ZFR2: variants seen among roughly 807,000 people sequenced by gnomAD.
ZFR2 encodes zinc finger RNA-binding protein 2.
ZFR2 carries 104 observed loss-of-function variants against 105.7 expected under a neutral mutation model. The ratio of observed to expected loss-of-function variants is 0.98; its 90% CI spans 0.84 to 1.16. The LOEUF (loss-of-function observed/expected upper bound fraction) is 1.16, where lower values mean the gene tolerates loss of function less well. ZFR2 is among the 50% of genes most tolerant of loss of function. ZFR2 has a pLI of 0.00. For synonymous variants in ZFR2, 634 were observed against 597.7 expected (o/e 1.06, Z -0.89); for missense variants, 1,425 against 1,355.5 (o/e 1.05, Z -0.80).
Position 3,825,326 on chromosome 19 carries a change from C to G in ZFR2, c.1117G>C (p.Glu373Gln). 2 of 1,586,246 alleles carry G rather than the reference C, an allele frequency of 1.3e-6. No homozygotes were observed. Among genetic ancestry groups the G allele is most frequent in the Non-Finnish European group, 1.7e-6 (2 of 1,170,394 alleles). ...CCAGTGGGGGACGTGGGCTTGGCCT[C>G]TGCCCCGGGGGGGCTCTCTGTGGCC... is the stretch of plus-strand genomic sequence containing the variant. The part of the protein sequence containing the change: ...ALATESPPGA[E>Q]AKPTSPTGPS... The change falls in exon 7 of 19, where the codon GAG becomes CAG. Residue 373 changes from glutamate (E) to glutamine (Q), a missense_variant. Coordinates refer to ENST00000262961, the MANE Select transcript of ZFR2 (RefSeq NM_015174.2).
At chr19:3,828,965 T>TC (rs1368086648) in intron 5 of ZFR2, among the ~76,000 whole-genome samples, 12 of 149,334 alleles carry the variant, frequency 8.0e-5, no homozygotes, top group African/African-American at 3.0e-4. Flanking sequence ...TAGGAATCTT[T>TC]TTTTTTTTTT....
chr19:3,828,009 C>T lies in ZFR2; in HGVS notation c.853-356G>A, dbSNP rs146933171. 6.4e-3 allele frequency among the ~76,000 whole-genome samples: 966 copies of T among 151,658 alleles called. 10 individuals carry two copies. The highest frequency in any genetic ancestry group is 0.029 in the East Asian group (150 of 5,144). ...CTAATTTTTGTATTTTTAGTAGAGACGGGGTTTCACTCTGTTGGCCAAGCT... is the reference window on the plus strand; with the variant it reads ...CTAATTTTTGTATTTTTAGTAGAGATGGGGTTTCACTCTGTTGGCCAAGCT... On this transcript the variant is annotated intron_variant, in intron 5 of 18. Coordinates refer to ENST00000262961, the MANE Select transcript of ZFR2 (RefSeq NM_015174.2).
In ZFR2 at chr19:3,805,891, G is replaced by A. The variant is rs1461390000; in HGVS notation, c.*58C>T. ...GGGGATGAAGCAGCCATTGGTCGGC[G>A]CGCACACGTCCAGGAGTGCAGGGAT... is the stretch of plus-strand genomic sequence containing the variant. On this transcript the variant is annotated 3_prime_UTR_variant, in exon 19 of 19. Coordinates refer to ENST00000262961, the MANE Select transcript of ZFR2 (RefSeq NM_015174.2). The A allele has an allele frequency of 2.5e-5, 36 of 1,438,526 alleles. No homozygotes were observed. Among genetic ancestry groups the A allele is most frequent in the African/African-American group, 2.0e-4 (14 of 68,536 alleles). The allele number at this position is 1,438,526 out of a possible 1,614,324, so 89.1% of individuals were successfully genotyped here. A position where few individuals can be genotyped will look rare whatever the true frequency, so the allele number is the denominator to read the frequency against.
At chr19:3,816,243 CTTT>C (rs58609703) in intron 13 of ZFR2, among the ~76,000 whole-genome samples, 5 of 115,056 alleles carry the variant, frequency 4.3e-5, no homozygotes, top group Admixed American at 9.7e-5. Flanking sequence ...CTTCTTGTAT[CTTT>C]TTTTTTTTTT....
intron 5 of ZFR2, among the ~76,000 whole-genome samples, chr19:3,829,733 C>T (rs1434906241): frequency 6.6e-6 from 1 of 151,932 alleles, no homozygotes; most frequent in African/African-American, 2.4e-5. Flanking sequence ...AGGCTGGTCT[C>T]GAACTCCTGG....
rs867767713 is a variant in ZFR2, at chr19:3,810,655, G to A, written c.2433+95C>T. On this transcript the variant is annotated intron_variant, in intron 16 of 18. Coordinates refer to ENST00000262961, the MANE Select transcript of ZFR2 (RefSeq NM_015174.2). ...TACTAGGTCTCCCGCCGGCTCCTTC[G>A]AGGGAAAAGGTCTGTCTCTCAGCCT... 127 of 1,242,116 alleles carry A rather than the reference G, an allele frequency of 1.0e-4. 1 individual carries two copies. The Middle Eastern group carries it at 1.7e-3, about 17-fold the overall frequency. The allele number at this position is 1,242,116 out of a possible 1,614,324, so 76.9% of individuals were successfully genotyped here.
At chr19:3,812,323 T>C (rs1180929687) in intron 14 of ZFR2, among the ~76,000 whole-genome samples, 1 of 152,012 alleles carries the variant, frequency 6.6e-6, no homozygotes, top group African/African-American at 2.4e-5. Flanking sequence ...CAAGCAATCC[T>C]CCCACTTGGA....
At chr19:3,839,340 C>T (rs1240583549) in intron 1 of ZFR2, among the ~76,000 whole-genome samples, 1 of 151,896 alleles carries the variant, frequency 6.6e-6, no homozygotes, top group African/African-American at 2.4e-5. Context: ...CGAGACCAGC[C>T]TGGCCAACAT....
At position 3,855,858 on chromosome 19, in the gene ZFR2, G is replaced by A. The variant is rs557347785; in HGVS notation, c.53+13107C>T. Among the ~76,000 whole-genome samples the A allele has an allele frequency of 3.3e-5, 5 of 152,280 alleles. No individual in the cohort carries two copies. The South Asian group carries it at 1.0e-3, about 32-fold the overall frequency. On this transcript the variant is annotated intron_variant, in intron 1 of 18. Coordinates refer to ENST00000262961, the MANE Select transcript of ZFR2 (RefSeq NM_015174.2). ...AGCGGAAGGAATGAGGGGAGATGGG[G>A]TCAGAGAATAAAGGGTGTGGAACAG...
At chr19:3,810,019 G>A (rs552845941) in intron 16 of ZFR2, among the ~76,000 whole-genome samples, 128 of 152,284 alleles carry the variant, frequency 8.4e-4, no homozygotes, top group Non-Finnish European at 5.9e-4. Flanking sequence ...ACAAACAAAC[G>A]CCTCTGTACC....
chr19:3,855,640 G>A (rs944832361), intron 1 of ZFR2: 1 of 408,018 alleles, frequency 2.5e-6, no homozygotes, highest in Middle Eastern at 6.3e-4. Flanking sequence ...CGGGAAGGAC[G>A]CGGCAAGGGG....
At chr19:3,827,720 A>G in intron 5 of ZFR2, 67 bp from the exon 6 acceptor site, 1 of 1,531,568 alleles carries the variant, frequency 6.5e-7, no homozygotes, top group Admixed American at 2.1e-5. Context: ...CCTCCCCTGC[A>G]GGCCCCCGGC....
At chr19:3,861,728 C>A (rs186124256) in intron 1 of ZFR2, among the ~76,000 whole-genome samples, 2 of 152,102 alleles carry the variant, frequency 1.3e-5, no homozygotes, top group Non-Finnish European at 2.9e-5. Context: ...GGGTTTGAGA[C>A]CAGCCCGGCC....
intron 15 of ZFR2, among the ~76,000 whole-genome samples, chr19:3,811,050 C>G (rs958723070): frequency 6.6e-6 from 1 of 152,244 alleles, no homozygotes; most frequent in Non-Finnish European, 1.5e-5. Context: ...AGCGTCCCCA[C>G]CCCCAGGGCA....
chr19:3,807,099 C>T (rs1373592702), intron 18 of ZFR2, 73 bp downstream of exon 18: 16 of 1,174,498 alleles, frequency 1.4e-5, no homozygotes, highest in East Asian at 7.7e-5. Context: ...CAGGCCATTT[C>T]GGGGAACACT....
chr19:3,826,044 C>G (rs971314486), intron 6 of ZFR2, among the ~76,000 whole-genome samples: 1 of 152,112 alleles, frequency 6.6e-6, no homozygotes, highest in Admixed American at 6.5e-5. Flanking sequence ...CCACAACGGG[C>G]AGCAGGGCCT....
chr19:3,810,665 G>A (rs1026411075), intron 16 of ZFR2, 85 bp downstream of exon 16: 1 of 1,310,068 alleles, frequency 7.6e-7, no homozygotes, highest in South Asian at 1.4e-5. Flanking sequence ...GAGGGAAAAG[G>A]TCTGTCTCTC....
chr19:3,844,019 G>C (rs919146714), intron 1 of ZFR2, among the ~76,000 whole-genome samples: 1 of 22,372 alleles, frequency 4.5e-5, no homozygotes, highest in African/African-American at 3.4e-4. Context: ...GATGTGGGGG[G>C]GGGGGTGCCA....
chr19:3,819,581 C>T (rs1485399405), intron 11 of ZFR2, among the ~76,000 whole-genome samples: 2 of 152,174 alleles, frequency 1.3e-5, no homozygotes, highest in African/African-American at 4.8e-5. Flanking sequence ...AGGCCGGGCG[C>T]GGTGGCTCAC....
Sources: allele counts gnomAD v4.1 joint callset (sites outside exome capture counted in the v4.1 genomes callset), GRCh38; gene constraint gnomAD v4.1.1; transcripts MANE v1.5; gene names NCBI Gene and HGNC (gene_info 2026-07-23, HGNC 2026-07-21).